Variants in ARHGEF7 observed in about 807,000 individuals in gnomAD.
ARHGEF7 encodes the protein Rho guanine nucleotide exchange factor 7.
In ARHGEF7, 33 loss-of-function variants were observed where a neutral mutation model predicts 109.8. That is an observed-to-expected ratio of 0.30 (90% CI 0.23 to 0.40). The LOEUF (loss-of-function observed/expected upper bound fraction) is 0.40. ARHGEF7 is among the 10% of genes least tolerant of loss of function. The pLI is 1.00. For synonymous variants in ARHGEF7, 458 were observed against 424.6 expected (o/e 1.08, Z -0.97); for missense variants, 938 against 1,098.5 (o/e 0.85, Z 2.07).
intron 1 of ARHGEF7, among the ~76,000 whole-genome samples, chr13:111,138,933 G>A (rs913531870): frequency 1.2e-4 from 18 of 152,162 alleles, no homozygotes; most frequent in African/African-American, 4.3e-4. Flanking sequence ...TTTGGTGACC[G>A]TGGCTGCTTT....
At chr13:111,289,032 CT>C (rs1167094412) in intron 18 of ARHGEF7, among the ~76,000 whole-genome samples, 4 of 147,546 alleles carry the variant, frequency 2.7e-5, no homozygotes, top group African/African-American at 4.9e-5. Flanking sequence ...ATTAAGGTGG[CT>C]TTTTTTTTTC....
chr13:111,300,691 C>T, intron 19 of ARHGEF7, 57 bp from the exon 20 acceptor site: 1 of 1,220,512 alleles, frequency 8.2e-7, no homozygotes, highest in Non-Finnish European at 1.2e-6. Flanking sequence ...AGTTGTTTTT[C>T]TTCATTCTGC....
chr13:111,221,561 A>ATATATAGATACATATCTATATATC (rs1566876962), intron 5 of ARHGEF7, among the ~76,000 whole-genome samples: 9 of 46,572 alleles, frequency 1.9e-4, no homozygotes, highest in Admixed American at 8.8e-4. Context: ...CTATATATCT[A>ATATATAGATACATATCTATATATC]TATATATAGA....
At chr13:111,161,138 C>T (rs2076710937) in intron 2 of ARHGEF7, among the ~76,000 whole-genome samples, 1 of 152,214 alleles carries the variant, frequency 6.6e-6, no homozygotes, top group African/African-American at 2.4e-5. Context: ...CAAAACACTT[C>T]TGATGTCAAC....
In ARHGEF7 at chr13:111,273,710, A is replaced by G. The variant is rs533810307; in HGVS notation, c.1074-104A>G. ...TGGAGCCTTCCAGATGTTAAAAGCA[A>G]CACTTATGTTTCATAAATTCTGGCT... On this transcript the variant is annotated intron_variant, in intron 9 of 21. Coordinates refer to ENST00000646102, the MANE Select transcript of ARHGEF7 (RefSeq NM_001354046.2). This position sits in a 1 kb window ranked among gnomAD's most constrained non-coding sequence, Gnocchi z 4.5. The G allele has an allele frequency of 4.8e-5, 72 of 1,493,860 alleles. No homozygotes were observed. In the African/African-American group the frequency reaches 7.9e-4, roughly 16 times the overall value. The allele number at this position is 1,493,860 out of a possible 1,614,324, so 92.5% of individuals were successfully genotyped here.
At chr13:111,132,828 C>A (rs1221301159) in intron 1 of ARHGEF7, among the ~76,000 whole-genome samples, 1 of 151,660 alleles carries the variant, frequency 6.6e-6, no homozygotes, top group Non-Finnish European at 1.5e-5. Context: ...TCTTTTTAAT[C>A]CTTTTTTTTT....
intron 2 of ARHGEF7, among the ~76,000 whole-genome samples, chr13:111,174,764 A>G (rs532890539): frequency 7.9e-5 from 12 of 152,302 alleles, no homozygotes; most frequent in East Asian, 1.9e-4. Flanking sequence ...GTCCATCTGT[A>G]CGCTGGGGGT....
At chr13:111,123,882 C>T (rs965026158) in intron 1 of ARHGEF7, among the ~76,000 whole-genome samples, 1 of 151,736 alleles carries the variant, frequency 6.6e-6, no homozygotes, top group Non-Finnish European at 1.5e-5. Flanking sequence ...CCCGGCCCCG[C>T]CCCCTGCCCC....
chr13:111,292,950 C>G, intron 19 of ARHGEF7: 1 of 985,932 alleles, frequency 1.0e-6, no homozygotes, highest in Non-Finnish European at 1.2e-6. Flanking sequence ...CCTCACGGCT[C>G]TGTGCTCTTC....
intron 2 of ARHGEF7, chr13:111,184,981 AGGGGATTTCGC>A: frequency 6.6e-6 from 1 of 152,262 alleles, no homozygotes; most frequent in Middle Eastern, 3.4e-3. Context: ...TGGAGCTCCC[AGGGGATTTCGC>A]TTCTGGGTAG....
chr13:111,274,809 TG>T lies in ARHGEF7; in HGVS notation c.1272+20del. 7.1e-7 allele frequency: 1 copy of T among 1,405,462 alleles called. No homozygotes were observed. Among genetic ancestry groups the T allele is most frequent in the Non-Finnish European group, 9.4e-7 (1 of 1,059,302 alleles). 87.1% of individuals were successfully genotyped at this position (1,405,462 alleles called of 1,614,324 possible). A position where few individuals can be genotyped will look rare whatever the true frequency, so the allele number is the denominator to read the frequency against. On this transcript the variant is annotated intron_variant, in intron 11 of 21. Coordinates refer to ENST00000646102, the MANE Select transcript of ARHGEF7 (RefSeq NM_001354046.2). Reference sequence around the variant, plus strand: ...CCTTTCAGTAAGTGATTAAGCATATTGTTTTCCCCCCCAGACATTATTGTGA... The same window carrying T: ...CCTTTCAGTAAGTGATTAAGCATATTTTTTCCCCCCCAGACATTATTGTGA...
chr13:111,207,665 G>A (rs78494945), intron 3 of ARHGEF7, among the ~76,000 whole-genome samples: 2,720 of 152,278 alleles, frequency 0.018, 65 homozygotes, highest in African/African-American at 0.06. Flanking sequence ...AAGTGGGGGT[G>A]CTAATTAGGA....
At chr13:111,158,890 T>G (rs1344545880) in intron 2 of ARHGEF7, 6 of 611,544 alleles carry the variant, frequency 9.8e-6, no homozygotes, top group Non-Finnish European at 1.8e-5. Context: ...AAATCTAATC[T>G]TTTAGCAATT....
chr13:111,127,648 GAAAA>G (rs71206956), intron 1 of ARHGEF7, among the ~76,000 whole-genome samples: 28 of 40,056 alleles, frequency 7.0e-4, no homozygotes, highest in Non-Finnish European at 1.1e-3. Context: ...CTCTGTTTCA[GAAAA>G]AAAAAAAAAA....
chr13:111,265,368 TTGAAA>T (rs1160849915), intron 8 of ARHGEF7: 6 of 353,314 alleles, frequency 1.7e-5, no homozygotes, highest in Non-Finnish European at 3.4e-5. Flanking sequence ...TAAAAAATGG[TTGAAA>T]AACAGGGAGA....
At chr13:111,293,743 A>G in intron 19 of ARHGEF7, 1 of 985,426 alleles carries the variant, frequency 1.0e-6, no homozygotes, top group East Asian at 1.1e-4. Context: ...GGGTGGCTGT[A>G]ATTCCAGGTG....
In ARHGEF7 at chr13:111,131,385, G is replaced by A. The variant is rs1472557468; in HGVS notation, c.165+15694G>A. On this transcript the variant is annotated intron_variant, in intron 1 of 21. Coordinates refer to ENST00000646102, the MANE Select transcript of ARHGEF7 (RefSeq NM_001354046.2). The surrounding 1 kb of genome is among the most constrained non-coding windows in gnomAD (Gnocchi z 4.4). ...TGGGCGAGGCTTACCTAGGTTTGGG[G>A]CAAGGAGATCAGGAATGGATTCAGG... Among the ~76,000 whole-genome samples, 6 of 152,226 alleles carry A rather than the reference G, an allele frequency of 3.9e-5. No homozygotes were observed. The highest frequency in any genetic ancestry group is 2.1e-4 in the South Asian group (1 of 4,830).
intron 8 of ARHGEF7, among the ~76,000 whole-genome samples, chr13:111,267,228 C>G (rs939227014): frequency 6.6e-6 from 1 of 152,198 alleles, no homozygotes; most frequent in African/African-American, 2.4e-5. Flanking sequence ...CAATAATTCT[C>G]CTTATTTTAT....
intron 8 of ARHGEF7, among the ~76,000 whole-genome samples, chr13:111,249,790 A>G (rs1196234859): frequency 6.6e-6 from 1 of 152,124 alleles, no homozygotes; most frequent in African/African-American, 2.4e-5. Flanking sequence ...CTGGGGAGCT[A>G]TGTGGCCTTC....
Sources: allele counts gnomAD v4.1 joint callset (sites outside exome capture counted in the v4.1 genomes callset), GRCh38; gene constraint gnomAD v4.1.1; non-coding constraint Gnocchi (gnomAD v3.1); transcripts MANE v1.5; gene names NCBI Gene and HGNC (gene_info 2026-07-23, HGNC 2026-07-21).